LRIT3: variants seen among roughly 807,000 people sequenced by gnomAD.
LRIT3 encodes leucine-rich repeat, immunoglobulin-like domain and transmembrane domain-containing protein 3.
A neutral mutation model predicts 22.6 loss-of-function variants in LRIT3; 14 were observed. That is an observed-to-expected ratio of 0.62 (90% confidence interval 0.41 to 0.97). The LOEUF is 0.97. LRIT3 is among the 50% of genes least tolerant of loss of function. The pLI, the probability that LRIT3 is intolerant of heterozygous loss-of-function variation, is 0.00. For synonymous variants in LRIT3, 306 were observed against 304.5 expected (o/e 1.01, Z -0.05); for missense variants, 783 against 803.0 (o/e 0.98, Z 0.30).
chr4:109,860,506 G>GT (rs1177584197), intron 2 of LRIT3, among the ~76,000 whole-genome samples: 7 of 152,130 alleles, frequency 4.6e-5, no homozygotes, highest in African/African-American at 1.7e-4. Context: ...CAAATTTACA[G>GT]TTAATCTCCA....
intron 2 of LRIT3, among the ~76,000 whole-genome samples, chr4:109,854,147 G>A (rs527707259): frequency 3.3e-5 from 5 of 152,176 alleles, no homozygotes; most frequent in African/African-American, 1.2e-4. Flanking sequence ...GCTTGATGGG[G>A]TTAGCATTGA....
At chr4:109,849,454 G>C (rs1001985824) in intron 1 of LRIT3, among the ~76,000 whole-genome samples, 4 of 152,108 alleles carry the variant, frequency 2.6e-5, no homozygotes, top group Non-Finnish European at 4.4e-5. Context: ...TCAACCCCTT[G>C]TCAGTTTATA....
Position 109,871,943 on chromosome 4 carries a change from C to T in LRIT3, c.*1154C>T, listed in dbSNP as rs940992754. The stretch of plus-strand genomic sequence containing the variant: ...AAACATCTCATGGCTTTAAGATTAA[C>T]GATAGCGATAAGGCCCACTCAAGCA... On this transcript the variant is annotated 3_prime_UTR_variant, in exon 4 of 4. Transcript: ENST00000594814. 2 of 152,164 alleles carry T rather than the reference C, an allele frequency of 1.3e-5. No individual in the cohort carries two copies. The highest frequency in any genetic ancestry group is 6.5e-5 in the Admixed American group (1 of 15,280). 9.4% of individuals were successfully genotyped at this position (152,164 alleles called of 1,614,324 possible).
At position 109,853,286 on chromosome 4, in the gene LRIT3, G is replaced by A. The variant is rs190329776; in HGVS notation, c.589+1310G>A. ...TAATGATCGCCATTCTAACTGGCAT[G>A]AGATTACATCTCATTGTGGTTTTGA... On this transcript the variant is annotated intron_variant, in intron 2 of 3. Coordinates refer to ENST00000594814, the MANE Select transcript of LRIT3 (RefSeq NM_198506.5). 1.4e-3 allele frequency among the ~76,000 whole-genome samples: 216 copies of A among 152,340 alleles called. 2 individuals carry two copies. Among genetic ancestry groups the A allele is most frequent in the Admixed American group, 4.6e-3 (71 of 15,308 alleles).
chr4:109,864,082 AAAATT>A, intron 2 of LRIT3, among the ~76,000 whole-genome samples: 1 of 152,348 alleles, frequency 6.6e-6, no homozygotes, highest in East Asian at 1.9e-4. Flanking sequence ...AATTAATCTT[AAAATT>A]AAATAATAAA....
intron 2 of LRIT3, among the ~76,000 whole-genome samples, chr4:109,859,653 A>C (rs1255708820): frequency 2.0e-5 from 3 of 152,134 alleles, no homozygotes; most frequent in Non-Finnish European, 1.5e-5. Flanking sequence ...GGACAGGTGC[A>C]CCTCATGCAT....
chr4:109,852,219 A>G (rs1329683033), intron 2 of LRIT3, among the ~76,000 whole-genome samples: 4 of 152,206 alleles, frequency 2.6e-5, no homozygotes, highest in Non-Finnish European at 5.9e-5. Context: ...AAGAACTTGC[A>G]TCATAAATGG....
chr4:109,849,499 C>G (rs1173623948), intron 1 of LRIT3, among the ~76,000 whole-genome samples: 1 of 152,212 alleles, frequency 6.6e-6, no homozygotes, highest in Non-Finnish European at 1.5e-5. Context: ...GACCAAATGA[C>G]TTGTCCTAGA....
chr4:109,867,476 T>A (rs182997151), intron 2 of LRIT3, among the ~76,000 whole-genome samples, 165 bp from the exon 3 acceptor site: 2 of 152,146 alleles, frequency 1.3e-5, no homozygotes, highest in Non-Finnish European at 2.9e-5. Flanking sequence ...TTCACCGAGA[T>A]TGCTGGATTG....
intron 2 of LRIT3, among the ~76,000 whole-genome samples, chr4:109,860,094 G>T (rs113627865): frequency 6.6e-6 from 1 of 152,112 alleles, no homozygotes; most frequent in Admixed American, 6.6e-5. Context: ...TGCAATGCAG[G>T]TAAATTTCCA....
intron 2 of LRIT3, among the ~76,000 whole-genome samples, chr4:109,866,007 A>G (rs1266724667): frequency 1.3e-5 from 2 of 152,232 alleles, no homozygotes; most frequent in African/African-American, 4.8e-5. Flanking sequence ...GATTAAATAT[A>G]AGAGGAAAAG....
chr4:109,855,120 T>C (rs1463009317), intron 2 of LRIT3, among the ~76,000 whole-genome samples: 1 of 150,618 alleles, frequency 6.6e-6, no homozygotes, highest in African/African-American at 2.4e-5. Flanking sequence ...TTTCTTTCTT[T>C]GTACCTCTGG....
At chr4:109,854,832 G>T (rs926670169) in intron 2 of LRIT3, among the ~76,000 whole-genome samples, 1 of 152,108 alleles carries the variant, frequency 6.6e-6, no homozygotes, top group Non-Finnish European at 1.5e-5. Context: ...AGATAATCAT[G>T]TGCTTTTTGT....
chr4:109,870,792 T>C lies in LRIT3; in HGVS notation c.*3T>C. The C allele has an allele frequency of 6.3e-7, 1 of 1,582,436 alleles. No homozygotes were observed. On this transcript the variant is annotated 3_prime_UTR_variant, in exon 4 of 4. Coordinates refer to ENST00000594814, the MANE Select transcript of LRIT3 (RefSeq NM_198506.5). ...CCAGACCAGAGTATTATTGCTAAGGTTCTGCAGCTCAGGTGCATGTGAGCT... is the reference window on the plus strand; with the variant it reads ...CCAGACCAGAGTATTATTGCTAAGGCTCTGCAGCTCAGGTGCATGTGAGCT...
chr4:109,850,406 C>CTTTCTTTCT (rs1475607293), intron 1 of LRIT3, among the ~76,000 whole-genome samples: 6 of 1,476 alleles, frequency 4.1e-3, no homozygotes. Flanking sequence ...TTCCTTCCTT[C>CTTTCTTTCT]CTTCCTTCCT....
At chr4:109,857,462 A>G (rs1013387541) in intron 2 of LRIT3, among the ~76,000 whole-genome samples, 2 of 152,120 alleles carry the variant, frequency 1.3e-5, no homozygotes, top group Non-Finnish European at 2.9e-5. Flanking sequence ...GACAAGGTGG[A>G]TTTACTTATA....
At chr4:109,853,625 T>C (rs1269305633) in intron 2 of LRIT3, among the ~76,000 whole-genome samples, 1 of 152,232 alleles carries the variant, frequency 6.6e-6, no homozygotes, top group Non-Finnish European at 1.5e-5. Context: ...TTTTGGCTTT[T>C]GTTGCCATTG....
Position 109,869,629 on chromosome 4 carries a change from AT to A in LRIT3, c.896-13del. 6.5e-7 allele frequency: 1 copy of A among 1,528,812 alleles called. No individual in the cohort carries two copies. The highest frequency in any genetic ancestry group is 1.3e-5 in the South Asian group (1 of 75,032). 94.7% of individuals were successfully genotyped at this position (1,528,812 alleles called of 1,614,324 possible). A position where few individuals can be genotyped will look rare whatever the true frequency, so the allele number is the denominator to read the frequency against. On this transcript the variant is annotated splice_polypyrimidine_tract_variant and intron_variant, in intron 3 of 3. Transcript: ENST00000594814. ...TCTTTTTGTTCCTCACAGACTATAC[AT>A]TTGTTTTCTTCCAGTAATACAAGAA...
rs1455987746 is a variant in LRIT3, at chr4:109,870,930, A to T, written c.*141A>T. On this transcript the variant is annotated 3_prime_UTR_variant, in exon 4 of 4. Transcript: ENST00000594814. ...GAATGCTTTTAAGTATGTTTAAAAAATACCATGAGACCTCTGAACTGAAAA... is the reference window on the plus strand; with the variant it reads ...GAATGCTTTTAAGTATGTTTAAAAATTACCATGAGACCTCTGAACTGAAAA... 1 of 788,272 alleles carries T rather than the reference A, an allele frequency of 1.3e-6. No individual in the cohort carries two copies. Among genetic ancestry groups the T allele is most frequent in the African/African-American group, 1.7e-5 (1 of 57,272 alleles). The allele number at this position is 788,272 out of a possible 1,614,324, so 48.8% of individuals were successfully genotyped here. A position where few individuals can be genotyped will look rare whatever the true frequency, so the allele number is the denominator to read the frequency against.
Sources: gnomAD v4.1 joint callset for allele counts (sites outside exome capture counted in the v4.1 genomes callset) on GRCh38, gnomAD v4.1.1 for gene constraint, MANE v1.5 for transcripts, NCBI Gene and HGNC (gene_info 2026-07-23, HGNC 2026-07-21) for gene names.